ACTR3B: variants seen among roughly 807,000 people sequenced by gnomAD.
ACTR3B encodes actin related protein 3B, also known as actin-related protein 3B.
Under a neutral mutation model 59.0 loss-of-function variants are expected in ACTR3B, and 8 were observed. That is an observed-to-expected ratio of 0.14 (90% CI 0.08 to 0.24). The LOEUF is 0.24. Ranked by LOEUF, ACTR3B falls within the 10% of genes least tolerant of loss-of-function variation. The pLI is 1.00. For synonymous variants in ACTR3B, 148 were observed against 197.9 expected, an observed-to-expected ratio of 0.75 and a Z score of 2.12; for missense variants, 245 against 552.3, an observed-to-expected ratio of 0.44 and a Z score of 5.58.
chr7:152,795,354 C>T (rs2098212692), intron 2 of ACTR3B, among the ~76,000 whole-genome samples: 2 of 152,208 alleles, frequency 1.3e-5, no homozygotes, highest in South Asian at 4.1e-4. Context: ...GCCTCAAATT[C>T]ACTCTTATAG....
intron 1 of ACTR3B, among the ~76,000 whole-genome samples, chr7:152,772,046 C>T (rs1192606094): frequency 3.3e-5 from 5 of 152,048 alleles, no homozygotes; most frequent in Non-Finnish European, 7.4e-5. Context: ...GCCTGGGCAA[C>T]GAGAGTGAAA....
At chr7:152,787,735 A>G (rs1435146676) in intron 2 of ACTR3B, among the ~76,000 whole-genome samples, 1 of 151,712 alleles carries the variant, frequency 6.6e-6, no homozygotes, top group Non-Finnish European at 1.5e-5. Flanking sequence ...TCATTGATGT[A>G]TTTATCTGTG....
rs1393563770 is a variant in ACTR3B, at chr7:152,854,594, A to G, written c.*41A>G. ...GTCGTTCGATGGTGTCACGTTGGGG[A>G]ACAAGTGTCCTTCAGAACCCAGAGA... is the stretch of plus-strand genomic sequence containing the variant. On this transcript the variant is annotated 3_prime_UTR_variant, in exon 12 of 12. Transcript: ENST00000256001. This position sits in a 1 kb window ranked among gnomAD's most constrained non-coding sequence, Gnocchi z 4.9. 6.3e-7 allele frequency: 1 copy of G among 1,593,598 alleles called. No individual in the cohort carries two copies. The highest frequency in any genetic ancestry group is 8.6e-7 in the Non-Finnish European group (1 of 1,162,636).
intron 4 of ACTR3B, chr7:152,813,128 C>A (rs1270879879): frequency 1.1e-5 from 1 of 95,076 alleles, no homozygotes; most frequent in Non-Finnish European, 2.1e-5. Context: ...AGGGCCCCAC[C>A]CCTATGACCT....
intron 9 of ACTR3B, among the ~76,000 whole-genome samples, chr7:152,834,973 C>T (rs1797328685): frequency 6.6e-6 from 1 of 152,026 alleles, no homozygotes; most frequent in Non-Finnish European, 1.5e-5. Context: ...CTGCTGACCG[C>T]CAGAACGTCA....
intron 2 of ACTR3B, among the ~76,000 whole-genome samples, chr7:152,789,050 C>A (rs1288581477): frequency 3.8e-5 from 3 of 78,244 alleles, no homozygotes; most frequent in African/African-American, 9.5e-5. Context: ...ACAACAACAA[C>A]AAACAGCAAC....
At chr7:152,849,347 G>A (rs1798615985) in intron 9 of ACTR3B, among the ~76,000 whole-genome samples, 1 of 152,180 alleles carries the variant, frequency 6.6e-6, no homozygotes, top group African/African-American at 2.4e-5. Flanking sequence ...GGGTTCCGGA[G>A]GATCGCTTCA....
At chr7:152,804,621 C>T (rs976417893) in intron 4 of ACTR3B, among the ~76,000 whole-genome samples, 2 of 151,978 alleles carry the variant, frequency 1.3e-5, no homozygotes, top group East Asian at 1.9e-4. Context: ...CTGTCATTTG[C>T]GAGGTTCTTA....
intron 9 of ACTR3B, 108 bp from the exon 10 acceptor site, chr7:152,852,018 G>A: frequency 6.9e-7 from 1 of 1,440,262 alleles, no homozygotes; most frequent in South Asian, 1.2e-5. Context: ...TAGGGCCGAT[G>A]TGTCGTGCCC....
chr7:152,764,323 C>T (rs3107856), intron 1 of ACTR3B, among the ~76,000 whole-genome samples: 2 of 152,096 alleles, frequency 1.3e-5, no homozygotes, highest in South Asian at 4.1e-4. Context: ...GTTCTTTAGA[C>T]ATGTCTTCAT....
At chr7:152,769,104 C>G (rs1333667539) in intron 1 of ACTR3B, among the ~76,000 whole-genome samples, 1 of 152,064 alleles carries the variant, frequency 6.6e-6, no homozygotes, top group African/African-American at 2.4e-5. Context: ...CCACCCGCCT[C>G]TGCCTCCTAA....
chr7:152,759,787 CG>C lies in ACTR3B; in HGVS notation c.-93del. 2.0e-6 allele frequency: 2 copies of C among 1,000,192 alleles called. No homozygotes were observed. The highest frequency in any genetic ancestry group is 2.5e-6 in the Non-Finnish European group (2 of 811,724). 62.0% of individuals were successfully genotyped at this position (1,000,192 alleles called of 1,614,324 possible). A position where few individuals can be genotyped will look rare whatever the true frequency, so the allele number is the denominator to read the frequency against. ...CCGGCAGCGGCGCTGCGGCGGCTCG[CG>C]GGAGACGCTGCGCGCGGGGCTAGCG... On this transcript the variant is annotated 5_prime_UTR_variant, in exon 1 of 12. Transcript: ENST00000256001.
At chr7:152,842,428 G>A (rs186465787) in intron 9 of ACTR3B, among the ~76,000 whole-genome samples, 113 of 152,308 alleles carry the variant, frequency 7.4e-4, no homozygotes, top group Admixed American at 3.6e-3. Context: ...AGAATGGTGC[G>A]CAGTTTAAAA....
At chr7:152,815,367 G>T (rs961912141) in intron 5 of ACTR3B, among the ~76,000 whole-genome samples, 25 of 152,184 alleles carry the variant, frequency 1.6e-4, no homozygotes, top group African/African-American at 6.0e-4. Context: ...ATGTATTCTA[G>T]CACTTCCAAA....
intron 7 of ACTR3B, among the ~76,000 whole-genome samples, chr7:152,821,106 C>A (rs1450686348): frequency 2.0e-5 from 3 of 152,004 alleles, no homozygotes; most frequent in African/African-American, 7.3e-5. Context: ...TTACCTGGGA[C>A]CAGAGATTCC....
chr7:152,839,038 A>G (rs1797682121), intron 9 of ACTR3B, among the ~76,000 whole-genome samples: 1 of 151,512 alleles, frequency 6.6e-6, no homozygotes, highest in African/African-American at 2.4e-5. Flanking sequence ...GCGACCTGGC[A>G]GGGAGCATGA....
intron 1 of ACTR3B, among the ~76,000 whole-genome samples, chr7:152,760,131 C>G (rs936962489): frequency 5.9e-5 from 9 of 152,174 alleles, no homozygotes; most frequent in African/African-American, 1.9e-4. Flanking sequence ...GGAAGGGCCA[C>G]AAGAGGAAAA....
intron 6 of ACTR3B, among the ~76,000 whole-genome samples, chr7:152,819,353 G>A (rs941330264): frequency 6.6e-6 from 1 of 152,194 alleles, no homozygotes; most frequent in African/African-American, 2.4e-5. Context: ...TCTCACTTGG[G>A]GACTGTGGCA....
At chr7:152,765,203 C>T (rs1191415197) in intron 1 of ACTR3B, among the ~76,000 whole-genome samples, 4 of 149,634 alleles carry the variant, frequency 2.7e-5, no homozygotes, top group Non-Finnish European at 4.4e-5. Flanking sequence ...CCACAACCTC[C>T]GCCTCCCGGG....
Sources: allele counts gnomAD v4.1 joint callset (sites outside exome capture counted in the v4.1 genomes callset), GRCh38; gene constraint gnomAD v4.1.1; non-coding constraint Gnocchi (gnomAD v3.1); transcripts MANE v1.5; gene names NCBI Gene and HGNC (gene_info 2026-07-23, HGNC 2026-07-21).